Variants in RNF146 observed in about 807,000 individuals in gnomAD.
The protein encoded by RNF146 is ring finger protein 146.
A neutral mutation model predicts 29.7 loss-of-function variants in RNF146; 11 were observed. That is an observed-to-expected ratio of 0.37 (90% CI 0.23 to 0.61). The LOEUF (loss-of-function observed/expected upper bound fraction) is 0.61. Ranked by LOEUF, RNF146 falls within the 20% of genes least tolerant of loss-of-function variation. The probability of loss-of-function intolerance (pLI) is 0.66; values close to 1 mark genes in which losing one functional copy is unlikely to be tolerated. For synonymous variants in RNF146, 150 were observed against 159.7 expected, an observed-to-expected ratio of 0.94 and a Z score of 0.46; for missense variants, 342 against 438.9, an observed-to-expected ratio of 0.78 and a Z score of 1.97.
At chr6:127,285,214 G>T in intron 2 of RNF146, 1 of 984,914 alleles carries the variant, frequency 1.0e-6, no homozygotes, top group Middle Eastern at 5.2e-4. Context: ...CTAGAAAATT[G>T]CCATCTTTTT....
Position 127,286,961 on chromosome 6 carries a change from G to A in RNF146, c.348G>A (p.Gln116=). Residue 116 remains glutamine (Q), a synonymous_variant, in exon 3 of 3, where the codon CAG becomes CAA. Coordinates refer to ENST00000368314, the MANE Select transcript of RNF146 (RefSeq NM_001242850.2). This position sits in a 1 kb window ranked among gnomAD's most constrained non-coding sequence, Gnocchi z 4.6. ...WYYEGRNGWW[Q]YDERTSRELE... The stretch of plus-strand genomic sequence containing the variant: ...ATGAAGGAAGAAATGGGTGGTGGCA[G>A]TACGATGAGCGCACTAGTAGAGAGC... The A allele has an allele frequency of 2.5e-6, 4 of 1,613,468 alleles. No individual in the cohort carries two copies. The highest frequency in any genetic ancestry group is 3.4e-6 in the Non-Finnish European group (4 of 1,179,638).
intron 2 of RNF146, chr6:127,285,445 A>G: frequency 2.2e-6 from 1 of 450,562 alleles, no homozygotes; most frequent in Non-Finnish European, 2.9e-6. Flanking sequence ...TTAAGCTTTC[A>G]ATCTCTGACA....
intron 1 of RNF146, among the ~76,000 whole-genome samples, chr6:127,273,147 G>A (rs117745552): frequency 0.024 from 3,660 of 152,094 alleles, 65 homozygotes; most frequent in East Asian, 0.1. Context: ...CAAGGTTTAT[G>A]GTATTGTACT....
chr6:127,281,821 T>C (rs148970550), intron 2 of RNF146, among the ~76,000 whole-genome samples: 2 of 151,786 alleles, frequency 1.3e-5, no homozygotes, highest in African/African-American at 4.8e-5. Flanking sequence ...GGACAGTACT[T>C]ACTAGATGTT....
chr6:127,274,389 T>C (rs1262576838), intron 1 of RNF146, among the ~76,000 whole-genome samples: 1 of 152,136 alleles, frequency 6.6e-6, no homozygotes, highest in African/African-American at 2.4e-5. Context: ...TCAACTTTTG[T>C]TTCAGAGATA....
chr6:127,280,039 T>A (rs1562285631), intron 1 of RNF146, among the ~76,000 whole-genome samples, 192 bp from the exon 2 acceptor site: 1 of 151,796 alleles, frequency 6.6e-6, no homozygotes, highest in Non-Finnish European at 1.5e-5. Flanking sequence ...TACCCGTCTG[T>A]ATGCCTTTAT....
Position 127,287,553 on chromosome 6 carries a change from T to C in RNF146, c.940T>C (p.Leu314=), listed in dbSNP as rs1198693710. 3.7e-6 allele frequency: 6 copies of C among 1,612,994 alleles called. No individual in the cohort carries two copies. The highest frequency in any genetic ancestry group is 1.3e-5 in the African/African-American group (1 of 74,770). Residue 314 remains leucine, a synonymous_variant, in exon 3 of 3, where the codon TTG becomes CTG. Transcript: ENST00000368314. The part of the protein sequence containing the change: ...AQHSLTQQRL[L]VSNANQTVPD... The stretch of plus-strand genomic sequence containing the variant: ...GCACTCCTTGACCCAACAGAGACTT[T>C]TGGTTTCTAATGCAAACCAGACAGT...
At chr6:127,274,009 T>C (rs1027547125) in intron 1 of RNF146, among the ~76,000 whole-genome samples, 1 of 152,108 alleles carries the variant, frequency 6.6e-6, no homozygotes, top group African/African-American at 2.4e-5. Flanking sequence ...ATTTCAGTAC[T>C]ATTAAGTAAA....
intron 1 of RNF146, among the ~76,000 whole-genome samples, chr6:127,275,212 A>G (rs1044407778): frequency 6.6e-6 from 1 of 152,148 alleles, no homozygotes; most frequent in African/African-American, 2.4e-5. Context: ...TTTTATCTCC[A>G]TTTTGGAGAA....
chr6:127,286,884 C>G lies in RNF146; in HGVS notation c.271C>G (p.Pro91Ala). ...CCTTGACAAGCCAACCTTGTTGTCA[C>G]CAGAAGAACTCAAGGCAGCAAGTAG... Reference protein sequence around the residue: ...DFLDKPTLLSPEELKAASRGN... With the variant: ...DFLDKPTLLSAEELKAASRGN... Residue 91 changes from proline (P) to alanine (A), a missense_variant, in exon 3 of 3, where the codon CCA becomes GCA. This residue lies in a region of RNF146 where 50 missense variants were observed against 54.9 expected (regional missense o/e 0.91). Coordinates refer to ENST00000368314, the MANE Select transcript of RNF146 (RefSeq NM_001242850.2). This position sits in a 1 kb window ranked among gnomAD's most constrained non-coding sequence, Gnocchi z 4.6. 1 of 1,613,048 alleles carries G rather than the reference C, an allele frequency of 6.2e-7. No individual in the cohort carries two copies. The highest frequency in any genetic ancestry group is 8.5e-7 in the Non-Finnish European group (1 of 1,179,556).
At position 127,286,250 on chromosome 6, in the gene RNF146, G is replaced by C. The variant is rs1779494547; in HGVS notation, c.3-366G>C. ...AATTAATAAAGGACTCTAAAACTCA[G>C]ATTTTTAGATTTCTTGTCTAGCATT... On this transcript the variant is annotated intron_variant, in intron 2 of 2. Transcript: ENST00000368314. This position sits in a 1 kb window ranked among gnomAD's most constrained non-coding sequence, Gnocchi z 4.6. The C allele has an allele frequency of 9.0e-7, 1 of 1,108,596 alleles. No individual in the cohort carries two copies. The highest frequency in any genetic ancestry group is 4.0e-5 in the Admixed American group (1 of 24,794). 68.7% of individuals were successfully genotyped at this position (1,108,596 alleles called of 1,614,324 possible).
chr6:127,277,347 CTTGAAG>C (rs1185432621), intron 1 of RNF146, among the ~76,000 whole-genome samples: 2 of 151,888 alleles, frequency 1.3e-5, no homozygotes, highest in Admixed American at 1.3e-4. Context: ...TTGTAGGCTC[CTTGAAG>C]TTGGTGAAAG....
At chr6:127,280,012 T>C (rs550067540) in intron 1 of RNF146, among the ~76,000 whole-genome samples, 4 of 151,946 alleles carry the variant, frequency 2.6e-5, no homozygotes, top group South Asian at 4.1e-4. Context: ...AGAATAGACA[T>C]AGTTTTACTT....
At chr6:127,270,516 C>T (rs1291870120) in intron 1 of RNF146, among the ~76,000 whole-genome samples, 1 of 152,092 alleles carries the variant, frequency 6.6e-6, no homozygotes, top group Non-Finnish European at 1.5e-5. Flanking sequence ...AAAAGCATCC[C>T]TTCTCCTCCA....
In RNF146 at chr6:127,288,416, T is replaced by C. The variant is rs1228704203; in HGVS notation, c.*723T>C. 6.0e-6 allele frequency: 1 copy of C among 166,928 alleles called. No homozygotes were observed. The highest frequency in any genetic ancestry group is 6.6e-5 in the Admixed American group (1 of 15,236). The allele number at this position is 166,928 out of a possible 1,614,324, so 10.3% of individuals were successfully genotyped here. The stretch of plus-strand genomic sequence containing the variant: ...GGGTGTGGAAACATTTTGACATTTG[T>C]GACCAAAGGTCACTTAAAAAGTGGT... On this transcript the variant is annotated 3_prime_UTR_variant, in exon 3 of 3. Transcript: ENST00000368314.
Position 127,286,578 on chromosome 6 carries a change from T to G in RNF146, c.3-38T>G, listed in dbSNP as rs779347710. The G allele has an allele frequency of 1.3e-6, 2 of 1,533,850 alleles. No homozygotes were observed. The highest frequency in any genetic ancestry group is 2.3e-5 in the East Asian group (1 of 43,606). On this transcript the variant is annotated intron_variant, in intron 2 of 2. Coordinates refer to ENST00000368314, the MANE Select transcript of RNF146 (RefSeq NM_001242850.2). The surrounding 1 kb of genome is among the most constrained non-coding windows in gnomAD (Gnocchi z 4.6). ...TGTTAAATTAAGATATTGCAAGAAT[T>G]AAAACATGACTTTAATATTATATGT...
At chr6:127,275,850 A>G (rs1445783690) in intron 1 of RNF146, among the ~76,000 whole-genome samples, 1 of 152,130 alleles carries the variant, frequency 6.6e-6, no homozygotes, top group Non-Finnish European at 1.5e-5. Flanking sequence ...ATACAACTAG[A>G]TTATTAATCT....
In RNF146 at chr6:127,286,006, A is replaced by G. The variant is rs976160690; in HGVS notation, c.3-610A>G. On this transcript the variant is annotated intron_variant, in intron 2 of 2. Coordinates refer to ENST00000368314, the MANE Select transcript of RNF146 (RefSeq NM_001242850.2). The surrounding 1 kb of genome is among the most constrained non-coding windows in gnomAD (Gnocchi z 4.6). ...TAAATTTTATGTCAGTGTTTAAGCTAGATACATCCAATTTGACAAATCTTT... is the reference window on the plus strand; with the variant it reads ...TAAATTTTATGTCAGTGTTTAAGCTGGATACATCCAATTTGACAAATCTTT... 2 of 1,212,318 alleles carry G rather than the reference A, an allele frequency of 1.6e-6. No homozygotes were observed. Among genetic ancestry groups the G allele is most frequent in the African/African-American group, 3.1e-5 (2 of 63,860 alleles). 75.1% of individuals were successfully genotyped at this position (1,212,318 alleles called of 1,614,324 possible).
At chr6:127,271,045 ACCT>A (rs1325579114) in intron 1 of RNF146, among the ~76,000 whole-genome samples, 1 of 151,846 alleles carries the variant, frequency 6.6e-6, no homozygotes, top group African/African-American at 2.4e-5. Context: ...TGATCTCTTG[ACCT>A]CATGATCTTC....
Sources: allele counts gnomAD v4.1 joint callset (sites outside exome capture counted in the v4.1 genomes callset), GRCh38; gene constraint gnomAD v4.1.1; regional missense constraint gnomAD v4.1.1; non-coding constraint Gnocchi (gnomAD v3.1); transcripts MANE v1.5; gene names NCBI Gene and HGNC (gene_info 2026-07-23, HGNC 2026-07-21).